SESN1: variants seen among roughly 807,000 people sequenced by gnomAD.
SESN1 encodes sestrin-1.
Under a neutral mutation model 59.3 loss-of-function variants are expected in SESN1, and 30 were observed. That is an observed-to-expected ratio of 0.51 (90% CI 0.38 to 0.69). The LOEUF is 0.69. SESN1 is among the 30% of genes least tolerant of loss of function. SESN1 has a pLI of 0.00. For synonymous variants in SESN1, 197 were observed against 219.9 expected (o/e 0.90, Z 0.92); for missense variants, 566 against 673.0 (o/e 0.84, Z 1.76).
At chr6:109,028,822 T>C (rs1780137657) in intron 1 of SESN1, among the ~76,000 whole-genome samples, 1 of 152,128 alleles carries the variant, frequency 6.6e-6, no homozygotes, top group Non-Finnish European at 1.5e-5. Context: ...GAGAGCCTCC[T>C]AGTATCAGAA....
chr6:109,080,229 A>G (rs1781097921), intron 1 of SESN1, among the ~76,000 whole-genome samples: 1 of 152,312 alleles, frequency 6.6e-6, no homozygotes, highest in East Asian at 1.9e-4. Flanking sequence ...TTACTACAAC[A>G]CTTGCACTGC....
At chr6:109,010,171 A>G (rs1779833220) in intron 1 of SESN1, among the ~76,000 whole-genome samples, 1 of 152,198 alleles carries the variant, frequency 6.6e-6, no homozygotes, top group African/African-American at 2.4e-5. Context: ...CGAAGGCTTT[A>G]CAATTTCTAA....
At chr6:109,060,573 A>G (rs1780715252) in intron 1 of SESN1, among the ~76,000 whole-genome samples, 1 of 152,198 alleles carries the variant, frequency 6.6e-6, no homozygotes, top group Non-Finnish European at 1.5e-5. Context: ...TTAGAGGGAA[A>G]ATTCCTCAAA....
intron 1 of SESN1, among the ~76,000 whole-genome samples, chr6:109,070,048 C>T (rs1490024165): frequency 6.6e-6 from 1 of 152,130 alleles, no homozygotes; most frequent in Non-Finnish European, 1.5e-5. Context: ...CTATCCATGC[C>T]CCACACAAGA....
chr6:109,040,804 G>A (rs968148912), intron 1 of SESN1, among the ~76,000 whole-genome samples: 1 of 151,514 alleles, frequency 6.6e-6, no homozygotes, highest in Non-Finnish European at 1.5e-5. Context: ...AGGTGCACGC[G>A]ACCACGCCCA....
intron 1 of SESN1, among the ~76,000 whole-genome samples, chr6:109,018,813 TG>T (rs1297436047): frequency 1.3e-5 from 2 of 152,218 alleles, no homozygotes; most frequent in Non-Finnish European, 2.9e-5. Context: ...ATTTCAGGGA[TG>T]ACTTCTATAG....
At chr6:109,014,151 A>C (rs1779899933) in intron 1 of SESN1, among the ~76,000 whole-genome samples, 1 of 152,160 alleles carries the variant, frequency 6.6e-6, no homozygotes, top group African/African-American at 2.4e-5. Context: ...AGCTGTTTAG[A>C]AATATGAGGC....
chr6:109,092,453 C>T (rs1056217545), intron 1 of SESN1, among the ~76,000 whole-genome samples: 14 of 152,140 alleles, frequency 9.2e-5, no homozygotes, highest in African/African-American at 2.7e-4. Context: ...ACTCTTAACA[C>T]GATTGGTTAT....
At chr6:109,032,422 G>T (rs1780195457) in intron 1 of SESN1, among the ~76,000 whole-genome samples, 1 of 152,094 alleles carries the variant, frequency 6.6e-6, no homozygotes, top group Admixed American at 6.5e-5. Context: ...TTCAAGACCA[G>T]CCTGGCCAAC....
At chr6:109,018,987 C>G (rs1489031715) in intron 1 of SESN1, among the ~76,000 whole-genome samples, 3 of 152,040 alleles carry the variant, frequency 2.0e-5, no homozygotes, top group African/African-American at 4.8e-5. Context: ...CATTCATAAC[C>G]CCTTAATTTC....
chr6:109,001,534 G>A, intron 2 of SESN1, 46 bp from the exon 3 acceptor site: 1 of 1,530,144 alleles, frequency 6.5e-7, no homozygotes, highest in Non-Finnish European at 9.0e-7. Context: ...GTAAATTGGT[G>A]TTAAGGGAAG....
rs1271254329 is a variant in SESN1 at position 109,093,691 on chromosome 6, A to G, written c.279+104T>C. Reference sequence around the variant, plus strand: ...ACTCTAAAGATGTAAACTCATAATAAAAGTTTACATAACAACCTAATAGAA... The same window carrying G: ...ACTCTAAAGATGTAAACTCATAATAGAAGTTTACATAACAACCTAATAGAA... On this transcript the variant is annotated intron_variant, in intron 1 of 9. Transcript: ENST00000436639. 5 of 1,173,044 alleles carry G rather than the reference A, an allele frequency of 4.3e-6. No homozygotes were observed. The East Asian group carries it at 9.6e-5, about 22-fold the overall frequency. 72.7% of individuals were successfully genotyped at this position (1,173,044 alleles called of 1,614,324 possible).
At chr6:109,044,311 C>CAAAAAAAAA (rs71015570) in intron 1 of SESN1, among the ~76,000 whole-genome samples, 16 of 28,458 alleles carry the variant, frequency 5.6e-4, no homozygotes, top group African/African-American at 8.1e-4. Flanking sequence ...GAACTTGCCT[C>CAAAAAAAAA]AAAAAAAAAA....
At chr6:109,061,206 T>A (rs1286100680) in intron 1 of SESN1, among the ~76,000 whole-genome samples, 2 of 152,196 alleles carry the variant, frequency 1.3e-5, no homozygotes, top group Non-Finnish European at 2.9e-5. Context: ...AAGAACAATG[T>A]ACTAATATAC....
rs757939819 is a variant in SESN1 at position 108,998,766 on chromosome 6, A to G, written c.730-11T>C. On this transcript the variant is annotated splice_polypyrimidine_tract_variant and intron_variant, in intron 4 of 9. Coordinates refer to ENST00000436639, the MANE Select transcript of SESN1 (RefSeq NM_014454.3). ...AGCTTTTAAAAGTCCCTTAGGGGGA[A>G]AAAAAAAAAGAATATATTTTTGTAC... 1.7e-5 allele frequency: 27 copies of G among 1,552,830 alleles called. 1 individual carries two copies. The African/African-American group carries it at 3.2e-4, about 18-fold the overall frequency.
At chr6:109,001,610 G>A (rs1779627268) in intron 2 of SESN1, 122 bp from the exon 3 acceptor site, 9 of 851,790 alleles carry the variant, frequency 1.1e-5, no homozygotes, top group Non-Finnish European at 1.6e-5. Context: ...TAAGAAAGAG[G>A]GGTTACAAAT....
intron 1 of SESN1, among the ~76,000 whole-genome samples, chr6:109,065,913 AAGTT>A (rs1181502839): frequency 2.6e-5 from 4 of 152,096 alleles, no homozygotes; most frequent in Admixed American, 6.5e-5. Context: ...GTATTTTACA[AAGTT>A]AGAACTCCTT....
intron 1 of SESN1, among the ~76,000 whole-genome samples, chr6:109,049,025 C>A (rs1294058864): frequency 6.6e-6 from 1 of 152,156 alleles, no homozygotes; most frequent in East Asian, 1.9e-4. Flanking sequence ...TTGTACAGAG[C>A]TAGCTTTCAA....
At chr6:109,019,778 A>T (rs1265958142) in intron 1 of SESN1, among the ~76,000 whole-genome samples, 1 of 152,234 alleles carries the variant, frequency 6.6e-6, no homozygotes, top group Non-Finnish European at 1.5e-5. Context: ...GGCAGGTTTT[A>T]AAATAATGCA....
Sources: allele counts gnomAD v4.1 joint callset (sites outside exome capture counted in the v4.1 genomes callset), GRCh38; gene constraint gnomAD v4.1.1; transcripts MANE v1.5; gene names NCBI Gene and HGNC (gene_info 2026-07-23, HGNC 2026-07-21).